The following NSMAF variants were observed in gnomAD, a reference collection of about 807,000 sequenced individuals.
The protein encoded by NSMAF is neutral sphingomyelinase activation associated factor.
In NSMAF, 90 loss-of-function variants were observed where a neutral mutation model predicts 134.9. The observed-to-expected ratio is 0.67, with a 90% CI of 0.56 to 0.79. The LOEUF (loss-of-function observed/expected upper bound fraction) is 0.79. NSMAF is among the 30% of genes least tolerant of loss of function. NSMAF has a pLI of 0.00. For missense variants in NSMAF, 1,010 were observed against 1,119.0 expected (o/e 0.90, Z 1.39); for synonymous variants, 358 against 389.6 (o/e 0.92, Z 0.96).
In NSMAF at chr8:58,589,470, C is replaced by T. The variant is rs2229740; in HGVS notation, c.2193G>A (p.Ser731=). The part of the protein sequence containing the change: ...CWHDNRLYSA[S]WDSTVKVWSG... Reference sequence around the variant, plus strand: ...TATGAACCTTCACTGTAGAGTCCCACGATGCAGAATATAGCCTGTTGTCAT... The same window carrying T: ...TATGAACCTTCACTGTAGAGTCCCATGATGCAGAATATAGCCTGTTGTCAT... Residue 731 remains serine (S), a synonymous_variant, in exon 26 of 31, where the codon TCG becomes TCA. Coordinates refer to ENST00000038176, the MANE Select transcript of NSMAF (RefSeq NM_003580.4). 2,870 of 1,523,976 alleles carry T rather than the reference C, an allele frequency of 1.9e-3. 57 individuals carry two copies. The African/African-American group carries it at 0.035, about 18-fold the overall frequency. The allele number at this position is 1,523,976 out of a possible 1,614,324, so 94.4% of individuals were successfully genotyped here. A position where few individuals can be genotyped will look rare whatever the true frequency, so the allele number is the denominator to read the frequency against.
intron 21 of NSMAF, 196 bp from the exon 22 acceptor site, chr8:58,595,855 G>T: frequency 2.0e-6 from 1 of 497,834 alleles, no homozygotes. Context: ...AAGATAAAAA[G>T]TATCTTTGAA....
intron 9 of NSMAF, among the ~76,000 whole-genome samples, chr8:58,618,727 G>A (rs1806719721): frequency 6.6e-6 from 1 of 152,084 alleles, no homozygotes; most frequent in Non-Finnish European, 1.5e-5. Flanking sequence ...CATTGTATTA[G>A]CGTTTCAACT....
intron 14 of NSMAF, 24 bp from the exon 15 acceptor site, chr8:58,601,559 A>AAT (rs1229888947): frequency 6.3e-7 from 1 of 1,575,846 alleles, no homozygotes; most frequent in African/African-American, 1.4e-5. Context: ...AAAAAAAAAA[A>AAT]ATAGAGCTAA....
At chr8:58,595,156 G>C (rs1378257115) in intron 22 of NSMAF, among the ~76,000 whole-genome samples, 1 of 152,216 alleles carries the variant, frequency 6.6e-6, no homozygotes, top group Non-Finnish European at 1.5e-5. Flanking sequence ...CTCTGGGAGA[G>C]CTAATTTTTT....
At chr8:58,629,080 G>A (rs1807000146) in intron 6 of NSMAF, among the ~76,000 whole-genome samples, 1 of 152,092 alleles carries the variant, frequency 6.6e-6, no homozygotes, top group Non-Finnish European at 1.5e-5. Flanking sequence ...TCCTTCCTCT[G>A]TTTTGGCAAG....
chr8:58,659,568 C>T lies in NSMAF; in HGVS notation c.59+5G>A, dbSNP rs1260561861. The stretch of plus-strand genomic sequence containing the variant: ...GGCTGGGCCCTTCTTCAGCTGGGCG[C>T]GCACCTCTCCTTGGAGTAGAGCTGC... On this transcript the variant is annotated splice_donor_5th_base_variant and intron_variant, in intron 1 of 30. Coordinates refer to ENST00000038176, the MANE Select transcript of NSMAF (RefSeq NM_003580.4). 3.9e-6 allele frequency: 6 copies of T among 1,527,160 alleles called. No homozygotes were observed. The highest frequency in any genetic ancestry group is 2.1e-5 in the Admixed American group (1 of 48,572). The allele number at this position is 1,527,160 out of a possible 1,614,324, so 94.6% of individuals were successfully genotyped here. A position where few individuals can be genotyped will look rare whatever the true frequency, so the allele number is the denominator to read the frequency against.
intron 6 of NSMAF, among the ~76,000 whole-genome samples, chr8:58,624,739 T>C (rs1200766111): frequency 6.6e-6 from 1 of 152,234 alleles, no homozygotes; most frequent in Non-Finnish European, 1.5e-5. Context: ...GGTAGAAAGC[T>C]CTGCATATCT....
At chr8:58,634,013 A>G (rs920235884) in intron 5 of NSMAF, among the ~76,000 whole-genome samples, 5 of 152,224 alleles carry the variant, frequency 3.3e-5, no homozygotes, top group African/African-American at 1.2e-4. Context: ...CCCTATCTTC[A>G]AGTCAAAAAG....
At chr8:58,603,087 T>G in intron 13 of NSMAF, 123 bp downstream of exon 13, 2 of 933,596 alleles carry the variant, frequency 2.1e-6, no homozygotes, top group Non-Finnish European at 3.3e-6. Context: ...ACAACTGAAA[T>G]GAGTTGTAAT....
At chr8:58,626,198 A>G (rs1486003401) in intron 6 of NSMAF, among the ~76,000 whole-genome samples, 2 of 144,990 alleles carry the variant, frequency 1.4e-5, no homozygotes, top group African/African-American at 2.6e-5. Flanking sequence ...TCCTGGGTTC[A>G]CACCATTCTC....
At chr8:58,629,796 T>A (rs1807016309) in intron 6 of NSMAF, among the ~76,000 whole-genome samples, 1 of 152,214 alleles carries the variant, frequency 6.6e-6, no homozygotes, top group African/African-American at 2.4e-5. Context: ...ATTAGAGAAA[T>A]TTATTGGTTT....
chr8:58,642,482 G>A lies in NSMAF; in HGVS notation c.149+502C>T, dbSNP rs78674858. On this transcript the variant is annotated intron_variant, in intron 2 of 30. Transcript: ENST00000038176. The stretch of plus-strand genomic sequence containing the variant: ...TCAGATCTTGCTTCTAGTTCAAATC[G>A]CATGACTCATTTTGAAAGTACTGAT... 5.7e-3 allele frequency among the ~76,000 whole-genome samples: 871 copies of A among 152,232 alleles called. 7 individuals carry two copies. The highest frequency in any genetic ancestry group is 0.019 in the African/African-American group (808 of 41,538).
At chr8:58,613,915 G>C (rs1284864327) in intron 9 of NSMAF, among the ~76,000 whole-genome samples, 1 of 152,070 alleles carries the variant, frequency 6.6e-6, no homozygotes, top group East Asian at 1.9e-4. Context: ...AAAAATTTTT[G>C]AGTGCATTTC....
At chr8:58,607,153 G>T (rs1257676623) in intron 11 of NSMAF, among the ~76,000 whole-genome samples, 2 of 152,200 alleles carry the variant, frequency 1.3e-5, no homozygotes, top group Non-Finnish European at 2.9e-5. Context: ...GAGAAAAAAT[G>T]AATTTCTATT....
At chr8:58,621,914 T>C (rs1243505929) in intron 9 of NSMAF, among the ~76,000 whole-genome samples, 1 of 152,204 alleles carries the variant, frequency 6.6e-6, no homozygotes, top group African/African-American at 2.4e-5. Flanking sequence ...TCTCATTCCG[T>C]GGGCTGTCTG....
intron 1 of NSMAF, among the ~76,000 whole-genome samples, chr8:58,657,557 C>A (rs956058064): frequency 2.6e-5 from 4 of 152,284 alleles, no homozygotes; most frequent in Non-Finnish European, 5.9e-5. Context: ...TTAAAATATT[C>A]CTCTGTTTCA....
chr8:58,611,174 A>G (rs566211902), intron 9 of NSMAF, among the ~76,000 whole-genome samples: 5 of 152,282 alleles, frequency 3.3e-5, no homozygotes, highest in Non-Finnish European at 7.4e-5. Flanking sequence ...GAGAGAAAAG[A>G]CTCTATAGAA....
At chr8:58,585,318 T>G (rs891189752) in intron 30 of NSMAF, among the ~76,000 whole-genome samples, 6 of 108,130 alleles carry the variant, frequency 5.5e-5, no homozygotes, top group Admixed American at 2.5e-4. Context: ...TGTTTCTGGG[T>G]TTTTTTTTTT....
rs762595050 is a variant in NSMAF at position 58,603,293 on chromosome 8, T to C, written c.962A>G (p.Asn321Ser). The change falls in exon 13 of 31, where the codon AAC (asparagine) becomes AGC (serine). Residue 321 changes from asparagine (N) to serine (S), a missense_variant. Asn to Ser is a conservative substitution (Grantham distance 46, BLOSUM62 1). Coordinates refer to ENST00000038176, the MANE Select transcript of NSMAF (RefSeq NM_003580.4). ...SNYQYLLHLN[N>S]LADRSCNDLS... ...GTCGTTGCAGCTGCGGTCGGCCAGG[T>C]TGTTGAGGTGAAGGAGGTACTGATA... 1.2e-6 allele frequency: 2 copies of C among 1,613,928 alleles called. No homozygotes were observed. Among genetic ancestry groups the C allele is most frequent in the Middle Eastern group, 1.7e-4 (1 of 6,058 alleles).
Sources: gnomAD v4.1 joint callset for allele counts (sites outside exome capture counted in the v4.1 genomes callset) on GRCh38, gnomAD v4.1.1 for gene constraint, MANE v1.5 for transcripts, NCBI Gene and HGNC (gene_info 2026-07-23, HGNC 2026-07-21) for gene names.